Variants in CAMTA1 observed in about 807,000 individuals in gnomAD.
CAMTA1 encodes calmodulin-binding transcription activator 1.
In CAMTA1, 27 loss-of-function variants were observed where a neutral mutation model predicts 170.9. The observed-to-expected ratio is 0.16, with a 90% CI of 0.12 to 0.22. The LOEUF (loss-of-function observed/expected upper bound fraction) is 0.22. Among genes scored for constraint, CAMTA1 ranks in the 10% least tolerant of loss-of-function variants. The pLI is 1.00. For synonymous variants in CAMTA1, 833 were observed against 891.5 expected, an observed-to-expected ratio of 0.93 and a Z score of 1.17; for missense variants, 1,619 against 2,217.2, an observed-to-expected ratio of 0.73 and a Z score of 5.42.
At chr1:6,998,131 G>T (rs528179809) in intron 3 of CAMTA1, among the ~76,000 whole-genome samples, 1 of 152,014 alleles carries the variant, frequency 6.6e-6, no homozygotes, top group African/African-American at 2.4e-5. Flanking sequence ...AGGCTGGAGC[G>T]CAGTGGCACG....
intron 7 of CAMTA1, among the ~76,000 whole-genome samples, chr1:7,659,817 T>C (rs1269616846): frequency 1.3e-5 from 2 of 152,224 alleles, no homozygotes; most frequent in Non-Finnish European, 2.9e-5. Flanking sequence ...CTACCCTTTT[T>C]TTGGGTATGC....
intron 6 of CAMTA1, among the ~76,000 whole-genome samples, chr1:7,623,011 T>G (rs1005067062): frequency 6.6e-6 from 1 of 152,218 alleles, no homozygotes; most frequent in African/African-American, 2.4e-5. Context: ...ACAGCTGGCT[T>G]CTTTTTATCA....
At chr1:6,973,316 A>C (rs1310505855) in intron 3 of CAMTA1, among the ~76,000 whole-genome samples, 1 of 152,182 alleles carries the variant, frequency 6.6e-6, no homozygotes, top group South Asian at 2.1e-4. Context: ...CCACCACTGC[A>C]GTCATTGCTT....
At chr1:7,550,063 G>A (rs1187524737) in intron 6 of CAMTA1, among the ~76,000 whole-genome samples, 1 of 152,070 alleles carries the variant, frequency 6.6e-6, no homozygotes, top group Non-Finnish European at 1.5e-5. Flanking sequence ...GTCATTGCAG[G>A]GGAGTGGAGG....
chr1:7,318,010 A>C (rs1677791837), intron 5 of CAMTA1, among the ~76,000 whole-genome samples: 1 of 152,040 alleles, frequency 6.6e-6, no homozygotes, highest in African/African-American at 2.4e-5. Flanking sequence ...TTCCCTATGG[A>C]TGGCCTGGGG....
chr1:7,219,142 T>C (rs566250631), intron 4 of CAMTA1, among the ~76,000 whole-genome samples: 1 of 152,302 alleles, frequency 6.6e-6, no homozygotes, highest in African/African-American at 2.4e-5. Flanking sequence ...TGTAAGCTTG[T>C]TTACACCGGC....
intron 6 of CAMTA1, among the ~76,000 whole-genome samples, chr1:7,473,900 G>A (rs1317020259): frequency 6.6e-6 from 1 of 152,254 alleles, no homozygotes; most frequent in Non-Finnish European, 1.5e-5. Flanking sequence ...GGCTCCCCAG[G>A]AAGGGTCCTC....
rs1575736766 is a variant in CAMTA1 at position 7,513,932 on chromosome 1, TACACACACACACACATAC to T, written c.510+46045_510+46062del. Among the ~76,000 whole-genome samples, 6 of 75,810 alleles carry T rather than the reference TACACACACACACACATAC, an allele frequency of 7.9e-5. No homozygotes were observed. In the South Asian group the frequency reaches 2.5e-3, roughly 31 times the overall value. The allele number at this position is 75,810 out of a possible 152,430, so 49.7% of individuals were successfully genotyped here. A position where few individuals can be genotyped will look rare whatever the true frequency, so the allele number is the denominator to read the frequency against. On this transcript the variant is annotated intron_variant, in intron 6 of 22. Transcript: ENST00000303635. ...AGTGAAACTCCGTCTCAAAAACACA[TACACACACACACACATAC>T]ACACACACACACATACACACACAAA... is the stretch of plus-strand genomic sequence containing the variant.
intron 3 of CAMTA1, among the ~76,000 whole-genome samples, chr1:7,024,758 T>G (rs1341790763): frequency 6.6e-6 from 1 of 152,154 alleles, no homozygotes; most frequent in East Asian, 1.9e-4. Flanking sequence ...TACCTCCTAT[T>G]AATAAGGAAA....
intron 3 of CAMTA1, among the ~76,000 whole-genome samples, chr1:6,906,960 G>A (rs192407843): frequency 7.9e-4 from 120 of 152,310 alleles, no homozygotes; most frequent in Non-Finnish European, 7.8e-4. Context: ...GGGAGCTGTT[G>A]TCTCTCCCAT....
intron 4 of CAMTA1, among the ~76,000 whole-genome samples, chr1:7,247,252 T>G (rs183629198): frequency 2.0e-5 from 3 of 152,340 alleles, no homozygotes; most frequent in Non-Finnish European, 4.4e-5. Flanking sequence ...AGGGCTACTC[T>G]CAGAATGCCA....
At chr1:7,618,613 T>C (rs1342223362) in intron 6 of CAMTA1, among the ~76,000 whole-genome samples, 1 of 152,226 alleles carries the variant, frequency 6.6e-6, no homozygotes, top group African/African-American at 2.4e-5. Context: ...ACTGTCTTTT[T>C]ATGACTATAG....
Position 7,680,842 on chromosome 1 carries a change from A to ACG in CAMTA1, c.2914+3127_2914+3128dup, listed in dbSNP as rs1553247058. Among the ~76,000 whole-genome samples the ACG allele has an allele frequency of 7.0e-4, 99 of 141,130 alleles. No individual in the cohort carries two copies. Among genetic ancestry groups the ACG allele is most frequent in the African/African-American group, 2.4e-3 (91 of 38,486 alleles). 92.6% of individuals were successfully genotyped at this position (141,130 alleles called of 152,430 possible). On this transcript the variant is annotated intron_variant, in intron 11 of 22. Transcript: ENST00000303635. This position sits in a 1 kb window ranked among gnomAD's most constrained non-coding sequence, Gnocchi z 4.4. Reference sequence around the variant, plus strand: ...GGCGTGGGTCCGGGGCGCAGAGAACACGCGCGCGCGCGCGCGCGCCAGCAG... The same window carrying ACG: ...GGCGTGGGTCCGGGGCGCAGAGAACACGCGCGCGCGCGCGCGCGCGCCAGCAG...
chr1:7,410,897 CTGTG>C (rs35763888), intron 5 of CAMTA1, among the ~76,000 whole-genome samples: 101,423 of 141,250 alleles, frequency 0.72, 34,928 homozygotes, highest in Non-Finnish European at 0.78. Context: ...GGGTGGGCGT[CTGTG>C]TGTGTGTGTG....
chr1:6,975,043 A>T (rs755543056), intron 3 of CAMTA1, among the ~76,000 whole-genome samples: 1 of 152,134 alleles, frequency 6.6e-6, no homozygotes, highest in Non-Finnish European at 1.5e-5. Flanking sequence ...TCACCCTGCC[A>T]CCCATGGTCC....
rs34685595 is a variant in CAMTA1, at chr1:7,668,432, C to CA, written c.2653-2479_2653-2478insA. Among the ~76,000 whole-genome samples, 964 of 115,604 alleles carry CA rather than the reference C, an allele frequency of 8.3e-3. 4 individuals carry two copies. Among genetic ancestry groups the CA allele is most frequent in the African/African-American group, 0.023 (631 of 27,266 alleles). 75.8% of individuals were successfully genotyped at this position (115,604 alleles called of 152,430 possible). The stretch of plus-strand genomic sequence containing the variant: ...ACACACACACACACACACACACACA[C>CA]CCACCACACACCCCAGAGGCGTCCC... On this transcript the variant is annotated intron_variant, in intron 9 of 22. Transcript: ENST00000303635.
chr1:6,838,913 T>G (rs555915482), intron 3 of CAMTA1, among the ~76,000 whole-genome samples: 1 of 152,230 alleles, frequency 6.6e-6, no homozygotes, highest in South Asian at 2.1e-4. Flanking sequence ...TGGGACACCA[T>G]GCCTGGCAAC....
chr1:7,500,344 G>A (rs1310575598), intron 6 of CAMTA1, among the ~76,000 whole-genome samples: 1 of 149,430 alleles, frequency 6.7e-6, no homozygotes, highest in Admixed American at 6.7e-5. Context: ...GATGGTGTGA[G>A]CCTGGTGTGC....
intron 6 of CAMTA1, among the ~76,000 whole-genome samples, chr1:7,470,857 G>C (rs930163470): frequency 6.6e-6 from 1 of 152,174 alleles, no homozygotes; most frequent in African/African-American, 2.4e-5. Flanking sequence ...GCACTTAGTG[G>C]GCACGTCTGC....
Sources: gnomAD v4.1 joint callset for allele counts (sites outside exome capture counted in the v4.1 genomes callset) on GRCh38, gnomAD v4.1.1 for gene constraint, Gnocchi (gnomAD v3.1) non-coding constraint, MANE v1.5 for transcripts, NCBI Gene and HGNC (gene_info 2026-07-23, HGNC 2026-07-21) for gene names.